The following DNASE1L3 variants were observed in gnomAD, a reference collection of about 807,000 sequenced individuals.
DNASE1L3 encodes the protein deoxyribonuclease 1L3.
A neutral mutation model predicts 30.9 loss-of-function variants in DNASE1L3; 27 were observed. The ratio of observed to expected loss-of-function variants is 0.87; its 90% CI spans 0.64 to 1.20. The LOEUF is 1.20. DNASE1L3 is among the 50% of genes most tolerant of loss of function. The probability of loss-of-function intolerance (pLI) is 0.00; values close to 1 mark genes in which losing one functional copy is unlikely to be tolerated. For missense variants in DNASE1L3, 364 were observed against 378.2 expected, an observed-to-expected ratio of 0.96 and a Z score of 0.31; for synonymous variants, 135 against 138.0, an observed-to-expected ratio of 0.98 and a Z score of 0.15.
chr3:58,202,852 T>TAAAAAAAAAAA (rs879567551), intron 4 of DNASE1L3, among the ~76,000 whole-genome samples: 2 of 142,242 alleles, frequency 1.4e-5, no homozygotes, highest in African/African-American at 5.2e-5. Flanking sequence ...AAACTCTGTC[T>TAAAAAAAAAAA]AAAAAAAAAA....
intron 1 of DNASE1L3, among the ~76,000 whole-genome samples, chr3:58,209,651 C>A (rs572318606): frequency 2.6e-4 from 39 of 152,310 alleles, no homozygotes; most frequent in African/African-American, 9.4e-4. Flanking sequence ...CTCATGAATA[C>A]CCACCTTGCT....
chr3:58,194,885 C>T (rs1320947414), intron 6 of DNASE1L3, among the ~76,000 whole-genome samples: 1 of 152,204 alleles, frequency 6.6e-6, no homozygotes, highest in East Asian at 1.9e-4. Flanking sequence ...GCCGCAGCCT[C>T]CCAAAGTGCT....
chr3:58,202,647 A>C (rs1032053971), intron 4 of DNASE1L3, among the ~76,000 whole-genome samples: 2 of 151,794 alleles, frequency 1.3e-5, no homozygotes, highest in African/African-American at 4.8e-5. Context: ...TGAGGTCGGG[A>C]GTTCCAGATC....
At chr3:58,195,018 G>A (rs986740045) in intron 6 of DNASE1L3, among the ~76,000 whole-genome samples, 5 of 152,230 alleles carry the variant, frequency 3.3e-5, no homozygotes, top group Non-Finnish European at 7.3e-5. Flanking sequence ...AGAAAGCAAA[G>A]AATGACATGT....
chr3:58,206,019 C>G (rs1464877712), intron 2 of DNASE1L3, among the ~76,000 whole-genome samples: 1 of 152,226 alleles, frequency 6.6e-6, no homozygotes. Flanking sequence ...GTCCACGAAC[C>G]ACTCCTGAGC....
chr3:58,210,283 AAG>A (rs1352686926), intron 1 of DNASE1L3, among the ~76,000 whole-genome samples: 1 of 152,098 alleles, frequency 6.6e-6, no homozygotes, highest in East Asian at 1.9e-4. Context: ...AAAAGAAAGA[AAG>A]AAGAAAAGGA....
In DNASE1L3 at chr3:58,208,451, G is replaced by C. The variant is rs560612777; in HGVS notation, c.142-145C>G. 6 of 784,652 alleles carry C rather than the reference G, an allele frequency of 7.6e-6. No individual in the cohort carries two copies. The East Asian group carries it at 1.6e-4, about 21-fold the overall frequency. 48.6% of individuals were successfully genotyped at this position (784,652 alleles called of 1,614,324 possible). A position where few individuals can be genotyped will look rare whatever the true frequency, so the allele number is the denominator to read the frequency against. On this transcript the variant is annotated intron_variant, in intron 1 of 7. Transcript: ENST00000394549. ...CTGAACTAAATGAAGGACTCCCTGA[G>C]GTAGGTAGGTGCTTTTGTTATGTAC...
rs1052916190 is a variant in DNASE1L3, at chr3:58,192,887, C to A, written c.802-84G>T. 15 of 1,569,460 alleles carry A rather than the reference C, an allele frequency of 9.6e-6. No homozygotes were observed. Among genetic ancestry groups the A allele is most frequent in the African/African-American group, 1.4e-5 (1 of 73,152 alleles). The stretch of plus-strand genomic sequence containing the variant: ...ATTTTAGCGATGAGCAAATTTAGGA[C>A]CAGGGAGGGGAGAGGAAATGCCCGA... On this transcript the variant is annotated intron_variant, in intron 7 of 7. Transcript: ENST00000394549. The surrounding 1 kb of genome is among the most constrained non-coding windows in gnomAD (Gnocchi z 4.8).
chr3:58,192,558 A>G lies in DNASE1L3; in HGVS notation c.*129T>C. On this transcript the variant is annotated 3_prime_UTR_variant, in exon 8 of 8. Transcript: ENST00000394549. This position sits in a 1 kb window ranked among gnomAD's most constrained non-coding sequence, Gnocchi z 4.8. ...CTCCTTCCAATTTGGCTCAAGTCAGAATAAATTCAGGTCAAAAAATGAAAG... is the reference window on the plus strand; with the variant it reads ...CTCCTTCCAATTTGGCTCAAGTCAGGATAAATTCAGGTCAAAAAATGAAAG... 9.6e-7 allele frequency: 1 copy of G among 1,041,948 alleles called. No individual in the cohort carries two copies. The highest frequency in any genetic ancestry group is 1.4e-6 in the Non-Finnish European group (1 of 718,124). The allele number at this position is 1,041,948 out of a possible 1,614,324, so 64.5% of individuals were successfully genotyped here.
At chr3:58,208,485 G>A (rs1320868748) in intron 1 of DNASE1L3, among the ~76,000 whole-genome samples, 179 bp from the exon 2 acceptor site, 2 of 152,174 alleles carry the variant, frequency 1.3e-5, no homozygotes, top group East Asian at 1.9e-4. Flanking sequence ...ACATTTTAAA[G>A]AGGAGCGTGA....
Position 58,197,262 on chromosome 3 carries a change from A to G in DNASE1L3, c.704+559T>C, listed in dbSNP as rs753838390. The stretch of plus-strand genomic sequence containing the variant: ...GAGCTTGTCTCTTGGTCACAGACAT[A>G]TGAAGTGATAATGTCAGGATTTAAA... On this transcript the variant is annotated intron_variant, in intron 6 of 7. Coordinates refer to ENST00000394549, the MANE Select transcript of DNASE1L3 (RefSeq NM_004944.4). This position sits in a 1 kb window ranked among gnomAD's most constrained non-coding sequence, Gnocchi z 5.3. 2.6e-5 allele frequency among the ~76,000 whole-genome samples: 4 copies of G among 152,208 alleles called. No individual in the cohort carries two copies. The highest frequency in any genetic ancestry group is 5.9e-5 in the Non-Finnish European group (4 of 68,048).
intron 4 of DNASE1L3, among the ~76,000 whole-genome samples, chr3:58,201,475 T>G (rs2097400495): frequency 6.6e-6 from 1 of 152,254 alleles, no homozygotes; most frequent in South Asian, 2.1e-4. Context: ...CTCCTTGCTT[T>G]GTGCTAATAA....
At chr3:58,198,721 G>A (rs551955675) in intron 5 of DNASE1L3, among the ~76,000 whole-genome samples, 2 of 152,312 alleles carry the variant, frequency 1.3e-5, no homozygotes, top group South Asian at 4.1e-4. Context: ...TCAAACTACT[G>A]TAGGGTGTAA....
At chr3:58,208,455 G>T in intron 1 of DNASE1L3, 149 bp from the exon 2 acceptor site, 1 of 766,126 alleles carries the variant, frequency 1.3e-6, no homozygotes, top group African/African-American at 1.8e-5. Flanking sequence ...CCCTGAGGTA[G>T]GTAGGTGCTT....
intron 6 of DNASE1L3, among the ~76,000 whole-genome samples, chr3:58,196,878 T>A (rs1355936228): frequency 6.6e-6 from 1 of 152,282 alleles, no homozygotes; most frequent in Non-Finnish European, 1.5e-5. Context: ...TAGGAATATG[T>A]AGCTAAAGCT....
Position 58,197,735 on chromosome 3 carries a change from G to C in DNASE1L3, c.704+86C>G. 1.3e-6 allele frequency: 2 copies of C among 1,589,694 alleles called. No individual in the cohort carries two copies. The highest frequency in any genetic ancestry group is 2.2e-5 in the East Asian group (1 of 44,742). On this transcript the variant is annotated intron_variant, in intron 6 of 7. Transcript: ENST00000394549. This position sits in a 1 kb window ranked among gnomAD's most constrained non-coding sequence, Gnocchi z 5.3. ...CCCAAAGTGCTAGGACTACTGGCGT[G>C]AGCCACAGTGCCCAGCCACCTTGCG...
intron 2 of DNASE1L3, chr3:58,207,667 AT>A (rs377668139): frequency 4.7e-5 from 7 of 149,920 alleles, no homozygotes; most frequent in South Asian, 2.1e-4. Flanking sequence ...AGCAAGCATG[AT>A]TTTTTTTTTA....
At chr3:58,203,216 C>G (rs1024275978) in intron 4 of DNASE1L3, among the ~76,000 whole-genome samples, 1 of 152,228 alleles carries the variant, frequency 6.6e-6, no homozygotes, top group African/African-American at 2.4e-5. Flanking sequence ...TCCAGGGCCC[C>G]ACGTGTCCTC....
chr3:58,201,501 T>TA (rs2097400515), intron 4 of DNASE1L3, among the ~76,000 whole-genome samples: 1 of 152,276 alleles, frequency 6.6e-6, no homozygotes, highest in South Asian at 2.1e-4. Context: ...TGTTAAGCTC[T>TA]ATCCTATGTA....
Sources: allele counts gnomAD v4.1 joint callset (sites outside exome capture counted in the v4.1 genomes callset), GRCh38; gene constraint gnomAD v4.1.1; non-coding constraint Gnocchi (gnomAD v3.1); transcripts MANE v1.5; gene names NCBI Gene and HGNC (gene_info 2026-07-23, HGNC 2026-07-21).